PHEX: variants seen among roughly 807,000 people sequenced by gnomAD.
The protein encoded by PHEX is phosphate-regulating neutral endopeptidase PHEX.
A neutral mutation model predicts 68.0 loss-of-function variants in PHEX; 16 were observed. The ratio of observed to expected loss-of-function variants is 0.24; its 90% confidence interval spans 0.16 to 0.36. The LOEUF (loss-of-function observed/expected upper bound fraction) is 0.36. Among genes scored for constraint, PHEX ranks in the 10% least tolerant of loss-of-function variants. PHEX has a pLI of 1.00. For missense variants in PHEX, 480 were observed against 575.5 expected (o/e 0.83, Z 1.70); for synonymous variants, 208 against 205.1 (o/e 1.01, Z -0.12).
chrX:22,162,664 C>G (rs1453185139), intron 12 of PHEX: 1 of 112,145 alleles, frequency 8.9e-6, no homozygotes, highest in East Asian at 2.8e-4. Flanking sequence ...ATTTTTTTCT[C>G]AACATCTGAT....
At chrX:22,179,612 A>G (rs985291015) in intron 14 of PHEX, among the ~76,000 whole-genome samples, 23 of 111,502 alleles carry the variant, frequency 2.1e-4, no homozygotes, top group African/African-American at 7.5e-4. Flanking sequence ...ACATAGGATA[A>G]TGGTCTCCAA....
intron 21 of PHEX, 21 bp from the exon 22 acceptor site, chrX:22,247,829 GC>G (rs2147217130): frequency 2.9e-6 from 3 of 1,040,277 alleles, no homozygotes; most frequent in Non-Finnish European, 4.1e-6. Context: ...TATGACATAT[GC>G]TTTGACATAT....
chrX:22,138,152 T>G (rs1176093426), intron 12 of PHEX, among the ~76,000 whole-genome samples: 3 of 113,053 alleles, frequency 2.7e-5, no homozygotes, highest in Non-Finnish European at 5.6e-5. Flanking sequence ...AATCCTTGTC[T>G]TAGAGTCTGT....
chrX:22,236,080 A>G (rs1315112161), intron 20 of PHEX, among the ~76,000 whole-genome samples: 2 of 111,191 alleles, frequency 1.8e-5, no homozygotes, highest in Non-Finnish European at 3.8e-5. Context: ...CTACCCTACA[A>G]TGTCATGCCC....
At chrX:22,234,211 TATGAG>T (rs1935877828) in intron 20 of PHEX, among the ~76,000 whole-genome samples, 1 of 112,660 alleles carries the variant, frequency 8.9e-6, no homozygotes, top group South Asian at 3.6e-4. Context: ...AGCTCTCCTG[TATGAG>T]ATGTTTGTCG....
At chrX:22,096,923 G>GA (rs767638519) in intron 7 of PHEX, 32 bp from the exon 8 acceptor site, 37 of 1,073,370 alleles carry the variant, frequency 3.4e-5, no homozygotes, top group Non-Finnish European at 4.5e-5. Flanking sequence ...TGGTTCACTT[G>GA]AAAAAAAATA....
Position 22,224,009 on chromosome X carries a change from G to A in PHEX, c.1899+2266G>A, listed in dbSNP as rs138993568. Among the ~76,000 whole-genome samples the A allele has an allele frequency of 3.7e-4, 42 of 112,207 alleles. No homozygotes were observed. In the Middle Eastern group the frequency reaches 0.014, roughly 37 times the overall value. On this transcript the variant is annotated intron_variant, in intron 18 of 21. Transcript: ENST00000379374. ...AGGTCATTGACTTTTTTGAGACAGCGTCTCGCTGAGTCACCCAGGCTGGAG... is the reference window on the plus strand; with the variant it reads ...AGGTCATTGACTTTTTTGAGACAGCATCTCGCTGAGTCACCCAGGCTGGAG...
intron 5 of PHEX, among the ~76,000 whole-genome samples, chrX:22,086,793 C>T (rs1247746449): frequency 8.9e-6 from 1 of 111,827 alleles, no homozygotes; most frequent in Non-Finnish European, 1.9e-5. Flanking sequence ...ACTACTTTGT[C>T]TTCTAACTTG....
At chrX:22,186,926 A>G in intron 14 of PHEX, among the ~76,000 whole-genome samples, 1 of 111,973 alleles carries the variant, frequency 8.9e-6, no homozygotes, top group East Asian at 2.8e-4. Context: ...AGAAGGGACA[A>G]GCTCTAGGAA....
chrX:22,229,111 T>C (rs1485910526), intron 20 of PHEX, among the ~76,000 whole-genome samples: 1 of 112,250 alleles, frequency 8.9e-6, no homozygotes, highest in Non-Finnish European at 1.9e-5. Flanking sequence ...TGTGCCACAT[T>C]TTCTTTATCC....
chrX:22,128,154 G>A (rs1931818970), intron 11 of PHEX, among the ~76,000 whole-genome samples: 1 of 110,637 alleles, frequency 9.0e-6, no homozygotes, highest in African/African-American at 3.3e-5. Flanking sequence ...CGCCTCGCGG[G>A]TTCAAGCAAT....
chrX:22,179,058 G>A (rs141629406), intron 14 of PHEX, among the ~76,000 whole-genome samples: 1,908 of 111,619 alleles, frequency 0.017, 44 homozygotes, highest in African/African-American at 0.058. Context: ...ATCCTCATAC[G>A]AATTCTGTGT....
chrX:22,136,198 C>A (rs1471201149), intron 12 of PHEX, among the ~76,000 whole-genome samples: 7 of 111,104 alleles, frequency 6.3e-5, no homozygotes, highest in Non-Finnish European at 9.4e-5. Flanking sequence ...AATTTCTTGC[C>A]CTTTTTCTCT....
At chrX:22,037,646 G>T (rs1282606429) in intron 1 of PHEX, among the ~76,000 whole-genome samples, 2 of 110,180 alleles carry the variant, frequency 1.8e-5, no homozygotes, top group African/African-American at 6.6e-5. Context: ...TTTTTGGAGT[G>T]GGGGAAGGGA....
Position 22,231,569 on chromosome X carries a change from A to G in PHEX, c.2070+3958A>G, listed in dbSNP as rs779088058. 3.1e-3 allele frequency among the ~76,000 whole-genome samples: 348 copies of G among 111,387 alleles called. 2 individuals are homozygous for G. The highest frequency in any genetic ancestry group is 0.011 in the African/African-American group (323 of 30,407). On this transcript the variant is annotated intron_variant, in intron 20 of 21. Coordinates refer to ENST00000379374, the MANE Select transcript of PHEX (RefSeq NM_000444.6). ...CTAGTTTATTTGCATAGAGGTGTTT[A>G]TAGTATTCTCTGATGGTAGTTTGAA...
At chrX:22,075,152 A>G (rs2147017556) in intron 3 of PHEX, among the ~76,000 whole-genome samples, 2 of 110,483 alleles carry the variant, frequency 1.8e-5, no homozygotes, top group East Asian at 2.8e-4. Context: ...GAAAACACCA[A>G]ACAAGCTGAA....
intron 19 of PHEX, among the ~76,000 whole-genome samples, chrX:22,227,201 T>G (rs1393887862): frequency 8.9e-6 from 1 of 112,536 alleles, no homozygotes; most frequent in South Asian, 3.6e-4. Flanking sequence ...CATAGGGGCC[T>G]TGCCATTGTG....
chrX:22,100,733 G>A (rs186829649), intron 9 of PHEX, among the ~76,000 whole-genome samples: 1,281 of 111,969 alleles, frequency 0.011, 28 homozygotes, highest in African/African-American at 0.04. Flanking sequence ...CAATGGAAAA[G>A]AGCATGATTG....
rs2301320 is a variant in PHEX, at chrX:22,173,459, T to C, written c.1483-4814T>C. Among the ~76,000 whole-genome samples, 61 of 111,527 alleles carry C rather than the reference T, an allele frequency of 5.5e-4. 1 individual carries two copies. The East Asian group carries it at 0.01, about 19-fold the overall frequency. On this transcript the variant is annotated intron_variant, in intron 13 of 21. Transcript: ENST00000379374. The stretch of plus-strand genomic sequence containing the variant: ...ATTGCATCCTCCATGGTACACTGTA[T>C]ATGTGGATTATTAAACATTTTGAGC...
Sources: allele counts gnomAD v4.1 joint callset (sites outside exome capture counted in the v4.1 genomes callset), GRCh38; gene constraint gnomAD v4.1.1; transcripts MANE v1.5; gene names NCBI Gene and HGNC (gene_info 2026-07-23, HGNC 2026-07-21).